Variants in PPP1R11 observed in about 807,000 individuals in gnomAD.
The protein encoded by PPP1R11 is E3 ubiquitin-protein ligase PPP1R11.
Under a neutral mutation model 11.3 loss-of-function variants are expected in PPP1R11, and 10 were observed. The observed-to-expected ratio is 0.88, with a 90% CI of 0.55 to 1.50. The LOEUF is 1.50. PPP1R11 is among the 40% of genes most tolerant of loss of function. PPP1R11 has a pLI of 0.00. For synonymous variants in PPP1R11, 56 were observed against 62.3 expected, an observed-to-expected ratio of 0.90 and a Z score of 0.48; for missense variants, 114 against 179.1, an observed-to-expected ratio of 0.64 and a Z score of 2.07.
At chr6:30,062,125 A>T, upstream of PPP1R11, 2 of 1,446,208 alleles carry the variant, frequency 1.4e-6, no homozygotes, top group Non-Finnish European at 9.7e-7. Flanking sequence ...GAGGGAAAAG[A>T]GATGTAAACC....
At chr6:30,061,817 A>T (rs532675285), upstream of PPP1R11, 1 of 1,546,012 alleles carries the variant, frequency 6.5e-7, no homozygotes, top group East Asian at 2.2e-5. This position sits in a 1 kb window ranked among gnomAD's most constrained non-coding sequence, Gnocchi z 5.0. Context: ...GAGGGAAAGG[A>T]TGTAGGGCCT....
Position 30,067,343 on chromosome 6 carries a change from C to A in PPP1R11, c.-68C>A. ...ATCCGATACCGCTTCTCTTAGACCT[C>A]AGCGACAGAAAAAGGGAAGGGTGTC... On this transcript the variant is annotated 5_prime_UTR_variant, in exon 1 of 3. Coordinates refer to ENST00000376772, the MANE Select transcript of PPP1R11 (RefSeq NM_021959.3). 3 of 1,495,562 alleles carry A rather than the reference C, an allele frequency of 2.0e-6. No homozygotes were observed. The highest frequency in any genetic ancestry group is 2.8e-6 in the Non-Finnish European group (3 of 1,076,162). The allele number at this position is 1,495,562 out of a possible 1,614,324, so 92.6% of individuals were successfully genotyped here. A position where few individuals can be genotyped will look rare whatever the true frequency, so the allele number is the denominator to read the frequency against.
upstream of PPP1R11, chr6:30,061,834 C>A: frequency 1.3e-6 from 2 of 1,554,402 alleles, no homozygotes; most frequent in Non-Finnish European, 8.8e-7. This position sits in a 1 kb window ranked among gnomAD's most constrained non-coding sequence, Gnocchi z 5.0. Context: ...GCCTCCTGGC[C>A]TAACCAGCCA....
chr6:30,067,377 C>A lies in PPP1R11; in HGVS notation c.-34C>A. The stretch of plus-strand genomic sequence containing the variant: ...AAAAAGGGAAGGGTGTCTCATCCCC[C>A]TTCCTCCTCTCCTCCCTGTCCTGAG... On this transcript the variant is annotated 5_prime_UTR_variant, in exon 1 of 3. Transcript: ENST00000376772. 1 of 1,601,846 alleles carries A rather than the reference C, an allele frequency of 6.2e-7. No individual in the cohort carries two copies. Among genetic ancestry groups the A allele is most frequent in the Middle Eastern group, 1.7e-4 (1 of 6,028 alleles).
rs908623433 is a variant in PPP1R11, at chr6:30,067,587, G to A, written c.69+108G>A. ...AGGAGCTAGGCCTAGGGATATGGGA[G>A]GTGTGGGGTTGAATATCTAGGGCTG... is the stretch of plus-strand genomic sequence containing the variant. On this transcript the variant is annotated intron_variant, in intron 1 of 2. Coordinates refer to ENST00000376772, the MANE Select transcript of PPP1R11 (RefSeq NM_021959.3). The A allele has an allele frequency of 1.3e-4, 178 of 1,359,192 alleles. 1 individual carries two copies. The highest frequency in any genetic ancestry group is 3.7e-4 in the Middle Eastern group (2 of 5,346). The allele number at this position is 1,359,192 out of a possible 1,614,324, so 84.2% of individuals were successfully genotyped here. A position where few individuals can be genotyped will look rare whatever the true frequency, so the allele number is the denominator to read the frequency against.
chr6:30,064,711 C>CA, upstream of PPP1R11: 1 of 1,608,738 alleles, frequency 6.2e-7, no homozygotes, highest in Non-Finnish European at 8.5e-7. Flanking sequence ...TTTTCCTGGG[C>CA]AACTCTACAG....
At position 30,069,149 on chromosome 6, in the gene PPP1R11, C is replaced by T; in HGVS notation, c.224C>T (p.Thr75Met). ...EKPRAFGESS[T>M]ESDEEEEEGC... ...CCTCGGGCCTTTGGCGAGAGCTCCA[C>T]GGAAAGTGATGAGGAGGAAGAAGAG... Residue 75 changes from threonine to methionine, a missense_variant, in exon 3 of 3, where the codon ACG (threonine) becomes ATG (methionine). Physicochemically the swap from Thr to Met is moderately conservative, Grantham distance 81. Coordinates refer to ENST00000376772, the MANE Select transcript of PPP1R11 (RefSeq NM_021959.3). This position sits in a 1 kb window ranked among gnomAD's most constrained non-coding sequence, Gnocchi z 6.6. The T allele has an allele frequency of 2.5e-6, 4 of 1,612,656 alleles. No homozygotes were observed. The highest frequency in any genetic ancestry group is 3.4e-6 in the Non-Finnish European group (4 of 1,179,732).
Position 30,068,637 on chromosome 6 carries a change from A to G in PPP1R11, c.117A>G (p.Lys39=). 2 of 1,612,990 alleles carry G rather than the reference A, an allele frequency of 1.2e-6. No individual in the cohort carries two copies. Among genetic ancestry groups the G allele is most frequent in the Middle Eastern group, 1.7e-4 (1 of 6,042 alleles). Reference sequence around the variant, plus strand: ...AACTTCGGAAACGGAAGCCAGAGAAAAAGGTAGAATGGACAAGTGACACTG... The same window carrying G: ...AACTTCGGAAACGGAAGCCAGAGAAGAAGGTAGAATGGACAAGTGACACTG... The part of the protein sequence containing the change: ...TIKLRKRKPE[K]KVEWTSDTVD... The change falls in exon 2 of 3, where the codon AAA becomes AAG. Residue 39 remains lysine (K), a synonymous_variant. Coordinates refer to ENST00000376772, the MANE Select transcript of PPP1R11 (RefSeq NM_021959.3).
upstream of PPP1R11, chr6:30,064,867 G>T: frequency 2.2e-6 from 1 of 446,258 alleles, no homozygotes; most frequent in South Asian, 5.7e-5. Flanking sequence ...ACCCTTAGTT[G>T]AATTTCCTTA....
Position 30,069,502 on chromosome 6 carries a change from C to T in PPP1R11, c.*196C>T. 1 of 502,418 alleles carries T rather than the reference C, an allele frequency of 2.0e-6. No homozygotes were observed. Among genetic ancestry groups the T allele is most frequent in the East Asian group, 3.1e-5 (1 of 31,848 alleles). 31.1% of individuals were successfully genotyped at this position (502,418 alleles called of 1,614,324 possible). A position where few individuals can be genotyped will look rare whatever the true frequency, so the allele number is the denominator to read the frequency against. Reference sequence around the variant, plus strand: ...TGGGTTTCCCCAGTCCTCATTTTTCCTCCCAATACCCACCCTTCTCTCTCG... The same window carrying T: ...TGGGTTTCCCCAGTCCTCATTTTTCTTCCCAATACCCACCCTTCTCTCTCG... On this transcript the variant is annotated 3_prime_UTR_variant, in exon 3 of 3. Coordinates refer to ENST00000376772, the MANE Select transcript of PPP1R11 (RefSeq NM_021959.3). The surrounding 1 kb of genome is among the most constrained non-coding windows in gnomAD (Gnocchi z 6.6).
At chr6:30,067,786 T>G (rs1385876278) in intron 1 of PPP1R11, 1 of 384,146 alleles carries the variant, frequency 2.6e-6, no homozygotes, top group Non-Finnish European at 4.7e-6. Flanking sequence ...AGGAAGATGT[T>G]GGGAGGAAAT....
chr6:30,061,549 A>G, the PPP1R11 span: 1 of 1,613,002 alleles, frequency 6.2e-7, no homozygotes, highest in Non-Finnish European at 8.5e-7. The surrounding 1 kb of genome is among the most constrained non-coding windows in gnomAD (Gnocchi z 5.0). Context: ...CCTCGCCAAT[A>G]CTTGCTCCAG....
chr6:30,069,178 T>C lies in PPP1R11; in HGVS notation c.253T>C (p.Cys85Arg). The C allele has an allele frequency of 6.2e-7, 1 of 1,612,718 alleles. No individual in the cohort carries two copies. Residue 85 changes from cysteine (C) to arginine (R), a missense_variant, in exon 3 of 3, where the codon TGT becomes CGT. By Grantham distance (180) the Cys-to-Arg change is radical. Coordinates refer to ENST00000376772, the MANE Select transcript of PPP1R11 (RefSeq NM_021959.3). This position sits in a 1 kb window ranked among gnomAD's most constrained non-coding sequence, Gnocchi z 6.6. ...AAGTGATGAGGAGGAAGAAGAGGGC[T>C]GTGGTCATACACACTGTGTACGTGG... Reference protein sequence around the residue: ...TESDEEEEEGCGHTHCVRGHR... With the variant: ...TESDEEEEEGRGHTHCVRGHR...
At position 30,069,209 on chromosome 6, in the gene PPP1R11, G is replaced by T. The variant is rs765467277; in HGVS notation, c.284G>T (p.Arg95Leu). The change falls in exon 3 of 3, where the codon CGC becomes CTC. Residue 95 changes from arginine (R) to leucine (L), a missense_variant. Arg to Leu is a moderately radical substitution (Grantham distance 102, BLOSUM62 -2). Coordinates refer to ENST00000376772, the MANE Select transcript of PPP1R11 (RefSeq NM_021959.3). This position sits in a 1 kb window ranked among gnomAD's most constrained non-coding sequence, Gnocchi z 6.6. ...CATACACACTGTGTACGTGGCCACCGCAAAGGACGGCGTCGTGCAACCCTA... is the reference window on the plus strand; with the variant it reads ...CATACACACTGTGTACGTGGCCACCTCAAAGGACGGCGTCGTGCAACCCTA... ...CGHTHCVRGH[R>L]KGRRRATLGP... The T allele has an allele frequency of 1.9e-6, 3 of 1,612,772 alleles. No homozygotes were observed. The highest frequency in any genetic ancestry group is 1.7e-6 in the Non-Finnish European group (2 of 1,179,942).
chr6:30,067,605 T>C, intron 1 of PPP1R11, 126 bp downstream of exon 1: 1 of 1,206,874 alleles, frequency 8.3e-7, no homozygotes, highest in South Asian at 1.3e-5. Context: ...GTTGAATATC[T>C]AGGGCTGGGA....
the PPP1R11 span, chr6:30,061,628 C>T: frequency 6.2e-7 from 1 of 1,613,064 alleles, no homozygotes; most frequent in Non-Finnish European, 8.5e-7. The surrounding 1 kb of genome is among the most constrained non-coding windows in gnomAD (Gnocchi z 5.0). Context: ...GCTCAGGATA[C>T]GGTCACCTGT....
rs779949396 is a variant in PPP1R11, at chr6:30,069,196, G to C, written c.271G>C (p.Val91Leu). 1 of 1,612,870 alleles carries C rather than the reference G, an allele frequency of 6.2e-7. No individual in the cohort carries two copies. The highest frequency in any genetic ancestry group is 2.2e-5 in the East Asian group (1 of 44,884). ...EEEGCGHTHC[V>L]RGHRKGRRRA... ...AGAGGGCTGTGGTCATACACACTGT[G>C]TACGTGGCCACCGCAAAGGACGGCG... Residue 91 changes from valine (V) to leucine (L), a missense_variant, in exon 3 of 3, where the codon GTA becomes CTA. Transcript: ENST00000376772. This position sits in a 1 kb window ranked among gnomAD's most constrained non-coding sequence, Gnocchi z 6.6.
At chr6:30,062,009 G>C, upstream of PPP1R11, 1 of 1,613,058 alleles carries the variant, frequency 6.2e-7, no homozygotes, top group African/African-American at 1.3e-5. Flanking sequence ...TGAGTGCCAG[G>C]GACCTGTGGT....
Position 30,069,239 on chromosome 6 carries a change from C to G in PPP1R11, c.314C>G (p.Pro105Arg). Residue 105 changes from proline to arginine, a missense_variant, in exon 3 of 3, where the codon CCG becomes CGG. By Grantham distance (103) the Pro-to-Arg change is moderately radical. Transcript: ENST00000376772. This position sits in a 1 kb window ranked among gnomAD's most constrained non-coding sequence, Gnocchi z 6.6. ...GGACGGCGTCGTGCAACCCTAGGAC[C>G]GACCCCCACCACCCCTCCCCAGCCT... ...RKGRRRATLG[P>R]TPTTPPQPPD... The G allele has an allele frequency of 6.2e-7, 1 of 1,612,666 alleles. No homozygotes were observed. The highest frequency in any genetic ancestry group is 1.1e-5 in the South Asian group (1 of 91,062).
Sources: allele counts gnomAD v4.1 joint callset, GRCh38; gene constraint gnomAD v4.1.1; non-coding constraint Gnocchi (gnomAD v3.1); transcripts MANE v1.5; gene names NCBI Gene and HGNC (gene_info 2026-07-23, HGNC 2026-07-21).